PNPT1: variants seen among roughly 807,000 people sequenced by gnomAD.
The protein encoded by PNPT1 is polyribonucleotide nucleotidyltransferase 1.
PNPT1 carries 53 observed loss-of-function variants against 119.5 expected under a neutral mutation model. The ratio of observed to expected loss-of-function variants is 0.44; its 90% CI spans 0.36 to 0.56. The LOEUF is 0.56. Among genes scored for constraint, PNPT1 ranks in the 20% least tolerant of loss-of-function variants. The probability of loss-of-function intolerance (pLI) is 0.00; values close to 1 mark genes in which losing one functional copy is unlikely to be tolerated. For synonymous variants in PNPT1, 357 were observed against 322.1 expected, an observed-to-expected ratio of 1.11 and a Z score of -1.16; for missense variants, 948 against 938.5, an observed-to-expected ratio of 1.01 and a Z score of -0.13.
intron 22 of PNPT1, 60 bp from the exon 23 acceptor site, chr2:55,644,780 T>A: frequency 8.3e-7 from 1 of 1,209,138 alleles, no homozygotes. Context: ...ACCTAAAACA[T>A]GCCATGGTCA....
At position 55,647,438 on chromosome 2, in the gene PNPT1, G is replaced by A. The variant is rs761997636; in HGVS notation, c.1511C>T (p.Ser504Phe). 1.5e-5 allele frequency: 24 copies of A among 1,608,220 alleles called. No individual in the cohort carries two copies. Among genetic ancestry groups the A allele is most frequent in the Non-Finnish European group, 2.0e-5 (24 of 1,176,316 alleles). ...ALMDSGVPIS[S>F]AVAGVAIGLV... ...TCCTATTGCTACGCCTGCAACAGCA[G>A]ATGAAATTGGAACCCCTATAATTGG... The change falls in exon 19 of 28, where the codon TCT becomes TTT. Residue 504 changes from serine to phenylalanine, a missense_variant. Transcript: ENST00000447944.
At chr2:55,648,553 C>A (rs1696076569) in intron 18 of PNPT1, among the ~76,000 whole-genome samples, 2 of 152,046 alleles carry the variant, frequency 1.3e-5, no homozygotes, top group African/African-American at 4.8e-5. Context: ...TATTTTAAAT[C>A]TGACTTGTTT....
chr2:55,649,637 A>C (rs1442246189), intron 18 of PNPT1, among the ~76,000 whole-genome samples: 2 of 152,312 alleles, frequency 1.3e-5, no homozygotes, highest in East Asian at 3.9e-4. Flanking sequence ...AAGCTGGGAA[A>C]AACTGTTTGG....
chr2:55,655,139 T>C (rs913275373), intron 17 of PNPT1, among the ~76,000 whole-genome samples, 186 bp from the exon 18 acceptor site: 3 of 152,138 alleles, frequency 2.0e-5, no homozygotes, highest in East Asian at 1.9e-4. Flanking sequence ...TCCAATATGG[T>C]AGACATTAGC....
At chr2:55,662,152 A>G (rs1164953054) in intron 13 of PNPT1, 126 bp from the exon 14 acceptor site, 3 of 730,542 alleles carry the variant, frequency 4.1e-6, no homozygotes, top group African/African-American at 1.8e-5. Flanking sequence ...AAAGCTTGCC[A>G]TGCTACTAAC....
At chr2:55,675,949 A>G (rs956025352) in intron 8 of PNPT1, among the ~76,000 whole-genome samples, 2 of 152,140 alleles carry the variant, frequency 1.3e-5, no homozygotes, top group African/African-American at 4.8e-5. Flanking sequence ...AAAAATTTAA[A>G]CATAAAAGCT....
intron 26 of PNPT1, among the ~76,000 whole-genome samples, chr2:55,638,214 A>AACAC (rs1695733587): frequency 6.6e-6 from 1 of 151,810 alleles, no homozygotes; most frequent in African/African-American, 2.4e-5. Flanking sequence ...AGGCAGGAGA[A>AACAC]TTGCCTGAAT....
At chr2:55,657,317 CCT>C (rs1696416872) in intron 15 of PNPT1, among the ~76,000 whole-genome samples, 1 of 151,764 alleles carries the variant, frequency 6.6e-6, no homozygotes, top group African/African-American at 2.4e-5. Flanking sequence ...GAACAGAGAC[CCT>C]TTTTTTAAAA....
At chr2:55,681,592 C>A (rs944000253) in intron 5 of PNPT1, among the ~76,000 whole-genome samples, 1 of 152,176 alleles carries the variant, frequency 6.6e-6, no homozygotes. Flanking sequence ...CGCCTGTAAT[C>A]TCAACATTTT....
chr2:55,637,785 AGGAGATTGAGACCATCTCT>A (rs1695720628), intron 26 of PNPT1, among the ~76,000 whole-genome samples, 186 bp from the exon 27 acceptor site: 1 of 152,118 alleles, frequency 6.6e-6, no homozygotes, highest in Non-Finnish European at 1.5e-5. Flanking sequence ...TCAAGAGGTC[AGGAGATTGAGACCATCTCT>A]GGAGGTCAGG....
At chr2:55,661,059 CAAT>C (rs1696554057) in intron 14 of PNPT1, among the ~76,000 whole-genome samples, 1 of 147,324 alleles carries the variant, frequency 6.8e-6, no homozygotes, top group African/African-American at 2.5e-5. Context: ...AGACTCTATG[CAAT>C]AATGCTGGTG....
chr2:55,662,838 C>G (rs1696618918), intron 13 of PNPT1, among the ~76,000 whole-genome samples: 1 of 151,822 alleles, frequency 6.6e-6, no homozygotes, highest in Non-Finnish European at 1.5e-5. Context: ...GGAATGGAGG[C>G]TGATTCTGAG....
At chr2:55,645,691 G>C (rs1284130671) in intron 21 of PNPT1, among the ~76,000 whole-genome samples, 3 of 152,072 alleles carry the variant, frequency 2.0e-5, no homozygotes, top group Admixed American at 6.6e-5. Flanking sequence ...AAACTTAGTT[G>C]TGCTTCTTCT....
In PNPT1 at chr2:55,679,665, T is replaced by C. The variant is rs1697185870; in HGVS notation, c.679+17A>G. 2.0e-6 allele frequency: 3 copies of C among 1,487,680 alleles called. No homozygotes were observed. The highest frequency in any genetic ancestry group is 1.1e-5 in the South Asian group (1 of 87,650). The allele number at this position is 1,487,680 out of a possible 1,614,324, so 92.2% of individuals were successfully genotyped here. On this transcript the variant is annotated intron_variant, in intron 8 of 27. Transcript: ENST00000447944. ...TAAGTAAAATCCAGAACAAATGTGG[T>C]ATTTAAAACAACTTACCAATCTGAC...
intron 11 of PNPT1, among the ~76,000 whole-genome samples, chr2:55,670,535 G>C (rs1696878818): frequency 1.3e-5 from 2 of 152,122 alleles, no homozygotes; most frequent in Admixed American, 1.3e-4. Context: ...TTTCTGGAGA[G>C]CTAAATTACC....
At chr2:55,669,506 C>A (rs1696838962) in intron 11 of PNPT1, among the ~76,000 whole-genome samples, 1 of 152,134 alleles carries the variant, frequency 6.6e-6, no homozygotes, top group Non-Finnish European at 1.5e-5. Flanking sequence ...ACTTTAATAT[C>A]TTTTCTGCTT....
intron 8 of PNPT1, among the ~76,000 whole-genome samples, chr2:55,676,865 A>G (rs1697088787): frequency 6.6e-6 from 1 of 151,042 alleles, no homozygotes; most frequent in Admixed American, 6.6e-5. Flanking sequence ...TGGTCTCCAA[A>G]AAAAAAAAAA....
intron 25 of PNPT1, among the ~76,000 whole-genome samples, chr2:55,641,387 G>C (rs1695830546): frequency 6.8e-6 from 1 of 147,272 alleles, no homozygotes; most frequent in African/African-American, 2.5e-5. Context: ...TCATGCCTCA[G>C]TCTCCCAAGC....
At chr2:55,678,078 T>C (rs1316943250) in intron 8 of PNPT1, among the ~76,000 whole-genome samples, 2 of 152,198 alleles carry the variant, frequency 1.3e-5, no homozygotes, top group East Asian at 3.8e-4. Context: ...GTATTAACTG[T>C]ATGCTTATTA....
Sources: gnomAD v4.1 joint callset for allele counts (sites outside exome capture counted in the v4.1 genomes callset) on GRCh38, gnomAD v4.1.1 for gene constraint, MANE v1.5 for transcripts, NCBI Gene and HGNC (gene_info 2026-07-23, HGNC 2026-07-21) for gene names.